LAPTM4A: variants seen among roughly 807,000 people sequenced by gnomAD.
LAPTM4A encodes lysosomal-associated transmembrane protein 4A.
In LAPTM4A, 19 loss-of-function variants were observed where a neutral mutation model predicts 29.9. That is an observed-to-expected ratio of 0.64 (90% confidence interval 0.44 to 0.93). The LOEUF is 0.93. Among genes scored for constraint, LAPTM4A ranks in the 40% least tolerant of loss-of-function variants. The pLI is 0.00. For missense variants in LAPTM4A, 293 were observed against 288.5 expected (o/e 1.02, Z -0.11); for synonymous variants, 105 against 102.1 (o/e 1.03, Z -0.17).
At chr2:20,047,238 A>G (rs1189601256) in intron 1 of LAPTM4A, among the ~76,000 whole-genome samples, 2 of 151,006 alleles carry the variant, frequency 1.3e-5, no homozygotes, top group Non-Finnish European at 3.0e-5. Flanking sequence ...AATACAAAAA[A>G]TTAGCCCGAC....
rs1172954663 is a variant in LAPTM4A, at chr2:20,037,389, A to C, written c.359T>G (p.Phe120Cys). Residue 120 changes from phenylalanine (F) to cysteine (C), a missense_variant, in exon 4 of 7, where the codon TTC (phenylalanine) becomes TGC (cysteine). Transcript: ENST00000175091. ...AATAGCAACCAGGCAACTGAGGACG[A>C]AGTCAAAAAGTCGGTAACAGAAGAA... is the stretch of plus-strand genomic sequence containing the variant. ...IPFFCYRLFD[F>C]VLSCLVAISS... is the part of the protein sequence containing the mutation. 6.2e-6 allele frequency: 10 copies of C among 1,612,700 alleles called. No individual in the cohort carries two copies. Among genetic ancestry groups the C allele is most frequent in the Non-Finnish European group, 8.5e-6 (10 of 1,179,504 alleles).
chr2:20,043,173 A>G (rs1381866054), intron 1 of LAPTM4A, among the ~76,000 whole-genome samples: 1 of 142,726 alleles, frequency 7.0e-6, no homozygotes, highest in African/African-American at 2.6e-5. Context: ...CTTGGGTTCA[A>G]GCAATTCTCA....
chr2:20,037,358 A>C lies in LAPTM4A; in HGVS notation c.390T>G (p.Ser130=), dbSNP rs1673699189. Residue 130 remains serine (S), a synonymous_variant, in exon 4 of 7, where the codon TCT becomes TCG. Coordinates refer to ENST00000175091, the MANE Select transcript of LAPTM4A (RefSeq NM_014713.5). The stretch of plus-strand genomic sequence containing the variant: ...CTTTGATTCTTGGCAAATAGGTGAG[A>C]GAACTAATAGCAACCAGGCAACTGA... The part of the protein sequence containing the change: ...FVLSCLVAIS[S]LTYLPRIKEY... 6.2e-7 allele frequency: 1 copy of C among 1,613,204 alleles called. No homozygotes were observed. The highest frequency in any genetic ancestry group is 8.5e-7 in the Non-Finnish European group (1 of 1,179,462).
At chr2:20,039,068 C>T (rs1673739855) in intron 2 of LAPTM4A, among the ~76,000 whole-genome samples, 1 of 152,104 alleles carries the variant, frequency 6.6e-6, no homozygotes, top group Non-Finnish European at 1.5e-5. Context: ...AGGCCTGCGC[C>T]ACCAAGCCCA....
In LAPTM4A at chr2:20,033,263, T is replaced by G; in HGVS notation, c.644A>C (p.Tyr215Ser). ...TTCAGGCATTTTCACGGCCATTTCATAGGTTGGCAAAACGTACTAAAGAGA... is the reference window on the plus strand; with the variant it reads ...TTCAGGCATTTTCACGGCCATTTCAGAGGTTGGCAAAACGTACTAAAGAGA... Reference protein sequence around the residue: ...EAPPQYVLPTYEMAVKMPEKE... With the variant: ...EAPPQYVLPTSEMAVKMPEKE... Residue 215 changes from tyrosine to serine, a missense_variant, in exon 7 of 7, where the codon TAT becomes TCT. Physicochemically the swap from Tyr to Ser is moderately radical, Grantham distance 144 (BLOSUM62 -2). Coordinates refer to ENST00000175091, the MANE Select transcript of LAPTM4A (RefSeq NM_014713.5). The G allele has an allele frequency of 6.2e-7, 1 of 1,613,986 alleles. No homozygotes were observed. Among genetic ancestry groups the G allele is most frequent in the Non-Finnish European group, 8.5e-7 (1 of 1,179,896 alleles).
chr2:20,033,871 G>A (rs1158284520), intron 6 of LAPTM4A, among the ~76,000 whole-genome samples: 1 of 152,144 alleles, frequency 6.6e-6, no homozygotes, highest in Non-Finnish European at 1.5e-5. Flanking sequence ...AGCAATTAGA[G>A]GGCTGTGAAA....
At chr2:20,046,380 C>T (rs927161124) in intron 1 of LAPTM4A, among the ~76,000 whole-genome samples, 2 of 152,164 alleles carry the variant, frequency 1.3e-5, no homozygotes, top group African/African-American at 4.8e-5. Context: ...TTGTTGTTTA[C>T]TGTTACATGC....
At chr2:20,036,604 A>C (rs879448833) in intron 4 of LAPTM4A, among the ~76,000 whole-genome samples, 1 of 152,222 alleles carries the variant, frequency 6.6e-6, no homozygotes. Context: ...CTAGGCAGGA[A>C]ATCTGGTAGT....
At chr2:20,043,104 GCT>G (rs1673839120) in intron 1 of LAPTM4A, among the ~76,000 whole-genome samples, 1 of 144,776 alleles carries the variant, frequency 6.9e-6, no homozygotes. Context: ...ACCAAGCCTT[GCT>G]CTGTCACCCA....
intron 2 of LAPTM4A, among the ~76,000 whole-genome samples, 183 bp from the exon 3 acceptor site, chr2:20,037,797 C>CT (rs567048721): frequency 1.5e-4 from 23 of 151,248 alleles, no homozygotes; most frequent in Non-Finnish European, 2.8e-4. Flanking sequence ...AGTAAGGAAC[C>CT]TTGAGACATT....
chr2:20,042,482 G>A (rs1249007181), intron 1 of LAPTM4A, among the ~76,000 whole-genome samples: 2 of 152,174 alleles, frequency 1.3e-5, no homozygotes, highest in South Asian at 2.1e-4. Context: ...CAGATTTACT[G>A]TCTCAACTTC....
intron 1 of LAPTM4A, among the ~76,000 whole-genome samples, chr2:20,048,712 C>T (rs1255219226): frequency 6.6e-6 from 1 of 152,174 alleles, no homozygotes; most frequent in African/African-American, 2.4e-5. Context: ...ATTATTGCCT[C>T]ACCAGGAATC....
At chr2:20,041,155 AAAC>A (rs1673788914) in intron 1 of LAPTM4A, 144 bp from the exon 2 acceptor site, 3 of 625,358 alleles carry the variant, frequency 4.8e-6, no homozygotes, top group East Asian at 2.8e-5. Context: ...CTGTGAGATA[AAAC>A]AATACGCAAT....
At chr2:20,046,287 A>G (rs1312111731) in intron 1 of LAPTM4A, among the ~76,000 whole-genome samples, 1 of 152,144 alleles carries the variant, frequency 6.6e-6, no homozygotes. Context: ...AACATGGCAC[A>G]TGTATACCTA....
intron 2 of LAPTM4A, among the ~76,000 whole-genome samples, chr2:20,038,557 C>G (rs999482410): frequency 1.2e-4 from 18 of 152,016 alleles, no homozygotes; most frequent in African/African-American, 4.1e-4. Flanking sequence ...TCCCAAGTAG[C>G]TGGAATTATA....
At chr2:20,044,524 G>A (rs929438020) in intron 1 of LAPTM4A, among the ~76,000 whole-genome samples, 43 of 152,186 alleles carry the variant, frequency 2.8e-4, no homozygotes, top group African/African-American at 7.7e-4. Context: ...AGCTACTTGG[G>A]AGGCTGAGGT....
At chr2:20,047,696 CAA>C (rs61601787) in intron 1 of LAPTM4A, among the ~76,000 whole-genome samples, 14 of 76,666 alleles carry the variant, frequency 1.8e-4, no homozygotes, top group Admixed American at 4.2e-4. Context: ...GACTCCGTCT[CAA>C]AAAAAAAAAA....
At chr2:20,047,001 T>C (rs1673938054) in intron 1 of LAPTM4A, among the ~76,000 whole-genome samples, 1 of 151,598 alleles carries the variant, frequency 6.6e-6, no homozygotes, top group Non-Finnish European at 1.5e-5. Flanking sequence ...ATCCTACCAA[T>C]GTGTACTGAG....
At chr2:20,048,726 C>A (rs957390651) in intron 1 of LAPTM4A, among the ~76,000 whole-genome samples, 3 of 152,160 alleles carry the variant, frequency 2.0e-5, no homozygotes, top group Non-Finnish European at 4.4e-5. Flanking sequence ...AGGAATCAAG[C>A]AAGAGAGTAC....
Sources: allele counts gnomAD v4.1 joint callset (sites outside exome capture counted in the v4.1 genomes callset), GRCh38; gene constraint gnomAD v4.1.1; transcripts MANE v1.5; gene names NCBI Gene and HGNC (gene_info 2026-07-23, HGNC 2026-07-21).